The following SGSM1 variants were observed in gnomAD, a reference collection of about 807,000 sequenced individuals.
The protein encoded by SGSM1 is small G protein signaling modulator 1, also known as RUN and TBC1 domain containing 2.
A neutral mutation model predicts 133.8 loss-of-function variants in SGSM1; 73 were observed. The ratio of observed to expected loss-of-function variants is 0.55; its 90% CI spans 0.45 to 0.66. The LOEUF is 0.66. Among genes scored for constraint, SGSM1 ranks in the 30% least tolerant of loss-of-function variants. The pLI is 0.00. For missense variants in SGSM1, 1,213 were observed against 1,448.1 expected, an observed-to-expected ratio of 0.84 and a Z score of 2.64; for synonymous variants, 563 against 573.0, an observed-to-expected ratio of 0.98 and a Z score of 0.25.
At chr22:24,837,038 CCCT>C (rs1929469177) in intron 2 of SGSM1, among the ~76,000 whole-genome samples, 1 of 152,192 alleles carries the variant, frequency 6.6e-6, no homozygotes, top group Non-Finnish European at 1.5e-5. Context: ...GTGGGTCTCT[CCCT>C]GTGTGCGGCA....
rs369776437 is a variant in SGSM1 at position 24,901,922 on chromosome 22, C to T, written c.2700C>T (p.Pro900=). The T allele has an allele frequency of 1.1e-4, 174 of 1,598,670 alleles. No individual in the cohort carries two copies. The highest frequency in any genetic ancestry group is 1.3e-4 in the Non-Finnish European group (149 of 1,173,230). ...ACCGCAACTACTGGTACTTCACGCC[C>T]GCCAACTTGGAGAAGCTGCGTAACA... ...RCDRNYWYFT[P]ANLEKLRNIM... is the part of the protein sequence containing the mutation. Residue 900 remains proline (P), a synonymous_variant, in exon 20 of 25, where the codon CCC becomes CCT. Transcript: ENST00000400358.
At chr22:24,868,220 A>G (rs1256714336) in intron 10 of SGSM1, among the ~76,000 whole-genome samples, 156 bp from the exon 11 acceptor site, 1 of 152,026 alleles carries the variant, frequency 6.6e-6, no homozygotes, top group African/African-American at 2.4e-5. Flanking sequence ...GGAGGTAAAA[A>G]CTGCTCCTGA....
At chr22:24,903,255 C>A (rs1415616930) in intron 20 of SGSM1, among the ~76,000 whole-genome samples, 2 of 151,076 alleles carry the variant, frequency 1.3e-5, no homozygotes. Flanking sequence ...GTTGCCCAGG[C>A]TGGAGTACAG....
intron 2 of SGSM1, among the ~76,000 whole-genome samples, chr22:24,814,544 G>A (rs191957295): frequency 8.0e-4 from 122 of 152,142 alleles, no homozygotes; most frequent in African/African-American, 2.8e-3. Flanking sequence ...AGAGTGTGGG[G>A]TCAGGGAGAA....
intron 2 of SGSM1, among the ~76,000 whole-genome samples, chr22:24,813,336 G>C (rs1927858837): frequency 6.6e-6 from 1 of 152,178 alleles, no homozygotes; most frequent in Admixed American, 6.5e-5. Context: ...TTCTGAGCAG[G>C]GGAGGAACAG....
At chr22:24,841,006 A>G (rs542596888) in intron 2 of SGSM1, among the ~76,000 whole-genome samples, 129 of 151,774 alleles carry the variant, frequency 8.5e-4, no homozygotes, top group Non-Finnish European at 1.4e-3. Context: ...GCCCACCACC[A>G]CGCCCGGCTA....
intron 24 of SGSM1, among the ~76,000 whole-genome samples, chr22:24,920,472 C>T (rs894062848): frequency 6.6e-6 from 1 of 152,182 alleles, no homozygotes; most frequent in African/African-American, 2.4e-5. Context: ...GTCCAAGTGA[C>T]TTCACGTCTC....
intron 2 of SGSM1, among the ~76,000 whole-genome samples, chr22:24,837,490 A>T (rs1423055973): frequency 6.6e-6 from 1 of 152,016 alleles, no homozygotes; most frequent in East Asian, 1.9e-4. Context: ...AGGCCTCCAG[A>T]TAACTGCGGG....
intron 12 of SGSM1, 46 bp downstream of exon 12, chr22:24,868,901 T>C: frequency 6.3e-7 from 1 of 1,596,668 alleles, no homozygotes; most frequent in Non-Finnish European, 8.5e-7. Context: ...TGCTAACTGA[T>C]CCTGAAAATG....
At chr22:24,920,832 C>T (rs1933979625) in intron 24 of SGSM1, among the ~76,000 whole-genome samples, 1 of 152,176 alleles carries the variant, frequency 6.6e-6, no homozygotes, top group African/African-American at 2.4e-5. Context: ...ACAGAGAATG[C>T]ACGATACCTT....
At chr22:24,908,377 CT>C (rs1254508730) in intron 21 of SGSM1, among the ~76,000 whole-genome samples, 1 of 152,136 alleles carries the variant, frequency 6.6e-6, no homozygotes, top group African/African-American at 2.4e-5. Flanking sequence ...AAATTAAAAA[CT>C]TTTGTACTTC....
Position 24,874,462 on chromosome 22 carries a change from G to A in SGSM1, c.1292-2115G>A, listed in dbSNP as rs1341422504. 5.6e-6 allele frequency: 9 copies of A among 1,613,676 alleles called. No homozygotes were observed. In the Middle Eastern group the frequency reaches 1.2e-3, roughly 206 times the overall value. ...CACTTCCTCCGTCTCTGTGGGCCCT[G>A]CCTGGATGATGGTTCCTGCAGGCCG... On this transcript the variant is annotated intron_variant, in intron 12 of 24. Coordinates refer to ENST00000400358, the MANE Select transcript of SGSM1 (RefSeq NM_001098497.3).
At chr22:24,815,735 T>A (rs1269297677) in intron 2 of SGSM1, among the ~76,000 whole-genome samples, 1 of 148,534 alleles carries the variant, frequency 6.7e-6, no homozygotes, top group Admixed American at 6.6e-5. Flanking sequence ...AGACTGTGTC[T>A]CAAAAAACAA....
At chr22:24,901,788 G>A (rs139738) in intron 19 of SGSM1, 45 bp from the exon 20 acceptor site, 361,827 of 1,594,684 alleles carry the variant, frequency 0.23, 44,186 homozygotes, top group East Asian at 0.48. Context: ...ACTTAGATGT[G>A]ATTTTTCATT....
At chr22:24,884,321 G>A in intron 15 of SGSM1, 123 bp downstream of exon 15, 4 of 1,258,158 alleles carry the variant, frequency 3.2e-6, no homozygotes, top group Non-Finnish European at 4.3e-6. Context: ...TTCTGCATAT[G>A]CAAATTGGAG....
Position 24,925,356 on chromosome 22 carries a change from C to CA in SGSM1, c.*1093dup, listed in dbSNP as rs11362741. On this transcript the variant is annotated 3_prime_UTR_variant, in exon 25 of 25. Transcript: ENST00000400358. ...CGGGCGACAGTTCAAGACTCCATCTCAAAAAAAAAAAGAAAAGGCACACAA... is the reference window on the plus strand; with the variant it reads ...CGGGCGACAGTTCAAGACTCCATCTCAAAAAAAAAAAAGAAAAGGCACACAA... The CA allele has an allele frequency of 9.4e-4, 136 of 145,442 alleles. 1 individual carries two copies. Among genetic ancestry groups the CA allele is most frequent in the Middle Eastern group, 3.5e-3 (1 of 286 alleles). 9.0% of individuals were successfully genotyped at this position (145,442 alleles called of 1,614,324 possible).
At position 24,855,574 on chromosome 22, in the gene SGSM1, G is replaced by A. The variant is rs1164418841; in HGVS notation, c.695G>A (p.Ser232Asn). The A allele has an allele frequency of 6.2e-7, 1 of 1,613,792 alleles. No homozygotes were observed. The highest frequency in any genetic ancestry group is 8.5e-7 in the Non-Finnish European group (1 of 1,179,886). The change falls in exon 8 of 25, where the codon AGC becomes AAC. Residue 232 changes from serine to asparagine, a missense_variant. Ser to Asn is a conservative substitution (Grantham distance 46, BLOSUM62 1). Transcript: ENST00000400358. ...LCIQKRHSSG[S>N]MDDRPSLSAR... ...ATCCAGAAGAGGCATTCCAGTGGCA[G>A]CATGGATGACCGGCCATCCCTCTCT...
At chr22:24,885,800 G>A (rs192499646) in intron 15 of SGSM1, among the ~76,000 whole-genome samples, 10 of 151,594 alleles carry the variant, frequency 6.6e-5, no homozygotes, top group Admixed American at 3.3e-4. Flanking sequence ...GTGTAGGGAC[G>A]CATGTTCACC....
rs146615083 is a variant in SGSM1 at position 24,889,118 on chromosome 22, C to T, written c.1770+2390C>T. Among the ~76,000 whole-genome samples, 850 of 151,416 alleles carry T rather than the reference C, an allele frequency of 5.6e-3. 9 individuals are homozygous for T. The highest frequency in any genetic ancestry group is 0.019 in the African/African-American group (790 of 41,298). ...CTGGGACTACAGGCGCCCGACACCA[C>T]GCCAAGCTACTTTTTGTATTTTTAG... On this transcript the variant is annotated intron_variant, in intron 16 of 24. Coordinates refer to ENST00000400358, the MANE Select transcript of SGSM1 (RefSeq NM_001098497.3).
Sources: gnomAD v4.1 joint callset for allele counts (sites outside exome capture counted in the v4.1 genomes callset) on GRCh38, gnomAD v4.1.1 for gene constraint, MANE v1.5 for transcripts, NCBI Gene and HGNC (gene_info 2026-07-23, HGNC 2026-07-21) for gene names.